SMOC2: variants seen among roughly 807,000 people sequenced by gnomAD.
SMOC2 encodes SPARC related modular calcium binding 2.
In SMOC2, 39 loss-of-function variants were observed where a neutral mutation model predicts 61.4. That is an observed-to-expected ratio of 0.64 (90% CI 0.49 to 0.83). The LOEUF is 0.83. Among genes scored for constraint, SMOC2 ranks in the 40% least tolerant of loss-of-function variants. The probability of loss-of-function intolerance (pLI) is 0.00; values close to 1 mark genes in which losing one functional copy is unlikely to be tolerated. For synonymous variants in SMOC2, 247 were observed against 239.9 expected (o/e 1.03, Z -0.27); for missense variants, 556 against 592.9 (o/e 0.94, Z 0.65).
At chr6:168,542,852 GA>G (rs569101304) in intron 4 of SMOC2, among the ~76,000 whole-genome samples, 3 of 149,882 alleles carry the variant, frequency 2.0e-5, no homozygotes, top group East Asian at 1.9e-4. Context: ...ATGCAAAATT[GA>G]AAAAAAAAGA....
chr6:168,509,694 T>G (rs1361526409), intron 1 of SMOC2, among the ~76,000 whole-genome samples: 1 of 152,184 alleles, frequency 6.6e-6, no homozygotes, highest in African/African-American at 2.4e-5. Context: ...ACGGCCGATA[T>G]TGATGTAGAG....
chr6:168,543,725 C>T (rs1033496284), intron 5 of SMOC2, 53 bp downstream of exon 5: 32 of 1,502,238 alleles, frequency 2.1e-5, no homozygotes, highest in Admixed American at 3.5e-5. Flanking sequence ...TAACTTATCC[C>T]GTGAAATAAC....
chr6:168,477,617 T>G (rs1163146847), intron 1 of SMOC2, among the ~76,000 whole-genome samples: 1 of 152,174 alleles, frequency 6.6e-6, no homozygotes. Context: ...AAGAGAGATG[T>G]GTGATGAAGC....
chr6:168,562,645 A>G (rs1444064828), intron 7 of SMOC2, among the ~76,000 whole-genome samples: 1 of 152,154 alleles, frequency 6.6e-6, no homozygotes, highest in Admixed American at 6.5e-5. Context: ...TGCCTTGTTT[A>G]TTGTCAGAGG....
chr6:168,529,185 A>T (rs1430340262), intron 4 of SMOC2, among the ~76,000 whole-genome samples: 1 of 152,196 alleles, frequency 6.6e-6, no homozygotes, highest in Non-Finnish European at 1.5e-5. Flanking sequence ...TCTCAGTATC[A>T]TCTCACTGTA....
At chr6:168,596,814 G>T (rs1785346336) in intron 7 of SMOC2, among the ~76,000 whole-genome samples, 1 of 152,234 alleles carries the variant, frequency 6.6e-6, no homozygotes, top group African/African-American at 2.4e-5. Flanking sequence ...ATAACCCAGA[G>T]GTAGGTTTTG....
In SMOC2 at chr6:168,525,113, C is replaced by T. The variant is rs570730702; in HGVS notation, c.257-1233C>T. Among the ~76,000 whole-genome samples, 11 of 152,318 alleles carry T rather than the reference C, an allele frequency of 7.2e-5. No homozygotes were observed. The South Asian group carries it at 1.2e-3, about 17-fold the overall frequency. ...CACTTGTGATTGAAATCTGGAAATA[C>T]GTTTTTTAAAAAGGAAAGCCATTTT... On this transcript the variant is annotated intron_variant, in intron 2 of 12. Coordinates refer to ENST00000356284, the MANE Select transcript of SMOC2 (RefSeq NM_001166412.2).
intron 9 of SMOC2, among the ~76,000 whole-genome samples, chr6:168,643,659 G>A (rs1786949895): frequency 6.6e-6 from 1 of 152,214 alleles, no homozygotes; most frequent in East Asian, 1.9e-4. Context: ...GGGCAGCGGG[G>A]AGAGCTCCAG....
At chr6:168,517,611 C>T (rs1424879640) in intron 2 of SMOC2, among the ~76,000 whole-genome samples, 1 of 152,246 alleles carries the variant, frequency 6.6e-6, no homozygotes, top group East Asian at 1.9e-4. Context: ...CCAGAGGAAC[C>T]AGGCCTCCCC....
chr6:168,644,191 C>T (rs943510962), intron 9 of SMOC2, among the ~76,000 whole-genome samples: 1 of 152,186 alleles, frequency 6.6e-6, no homozygotes, highest in Non-Finnish European at 1.5e-5. Context: ...TCCAAAGCTG[C>T]CAAGTGTGAG....
At chr6:168,559,992 G>T (rs1367294478) in intron 7 of SMOC2, among the ~76,000 whole-genome samples, 1 of 152,206 alleles carries the variant, frequency 6.6e-6, no homozygotes. Context: ...ATTTGCTGAG[G>T]AATTTTATTC....
intron 7 of SMOC2, among the ~76,000 whole-genome samples, chr6:168,559,119 A>G (rs565564646): frequency 2.0e-3 from 311 of 152,374 alleles, no homozygotes; most frequent in Non-Finnish European, 3.6e-3. Flanking sequence ...GGCTTGAAGC[A>G]TAAACTGAGT....
chr6:168,464,180 G>T (rs1214330619), intron 1 of SMOC2, among the ~76,000 whole-genome samples: 1 of 82,396 alleles, frequency 1.2e-5, no homozygotes, highest in East Asian at 3.4e-4. Context: ...AACAGAGCAA[G>T]ACTGTCAAAA....
chr6:168,449,795 C>T (rs1781419889), intron 1 of SMOC2, among the ~76,000 whole-genome samples: 1 of 152,182 alleles, frequency 6.6e-6, no homozygotes. Flanking sequence ...AAAATAAACA[C>T]GTGCTTTTCT....
At chr6:168,510,214 A>C (rs935074571) in intron 2 of SMOC2, 128 bp downstream of exon 2, 14 of 821,380 alleles carry the variant, frequency 1.7e-5, no homozygotes, top group Non-Finnish European at 2.4e-5. Flanking sequence ...CTTTTTTTAC[A>C]GCATGTAAGG....
rs531457917 is a variant in SMOC2 at position 168,567,337 on chromosome 6, T to C, written c.637+18134T>C. On this transcript the variant is annotated intron_variant, in intron 7 of 12. Coordinates refer to ENST00000356284, the MANE Select transcript of SMOC2 (RefSeq NM_001166412.2). ...CTTTATCTAAAGCCATTAGTTCAAA[T>C]TTTTGAAATAGCAATATGTTACAAC... Among the ~76,000 whole-genome samples, 8 of 152,344 alleles carry C rather than the reference T, an allele frequency of 5.3e-5. No individual in the cohort carries two copies. The South Asian group carries it at 1.2e-3, about 24-fold the overall frequency.
chr6:168,615,086 G>T, intron 9 of SMOC2, among the ~76,000 whole-genome samples: 1 of 96,644 alleles, frequency 1.0e-5, no homozygotes, highest in Non-Finnish European at 2.1e-5. Flanking sequence ...GCCGGCACAG[G>T]GCCTCTTCAC....
chr6:168,599,688 ACT>A lies in SMOC2; in HGVS notation c.824+688_824+689del, dbSNP rs201691846. Among the ~76,000 whole-genome samples, 940 of 122,848 alleles carry A rather than the reference ACT, an allele frequency of 7.7e-3. 10 individuals carry two copies. The highest frequency in any genetic ancestry group is 0.023 in the African/African-American group (721 of 31,390). 80.6% of individuals were successfully genotyped at this position (122,848 alleles called of 152,430 possible). A position where few individuals can be genotyped will look rare whatever the true frequency, so the allele number is the denominator to read the frequency against. On this transcript the variant is annotated intron_variant, in intron 8 of 12. Coordinates refer to ENST00000356284, the MANE Select transcript of SMOC2 (RefSeq NM_001166412.2). ...CACACACTCCCCTACACACTCTCAC[ACT>A]CTCACACACACACCCACAGTCACAC...
At chr6:168,586,803 G>A (rs1785055503) in intron 7 of SMOC2, among the ~76,000 whole-genome samples, 1 of 152,062 alleles carries the variant, frequency 6.6e-6, no homozygotes, top group Non-Finnish European at 1.5e-5. Flanking sequence ...AGTAGTTTTT[G>A]TAGATTGAGC....
Sources: gnomAD v4.1 joint callset for allele counts (sites outside exome capture counted in the v4.1 genomes callset) on GRCh38, gnomAD v4.1.1 for gene constraint, MANE v1.5 for transcripts, NCBI Gene and HGNC (gene_info 2026-07-23, HGNC 2026-07-21) for gene names.